POMT2: variants seen among roughly 807,000 people sequenced by gnomAD.
POMT2 encodes protein O-mannosyl-transferase 2.
A neutral mutation model predicts 100.0 loss-of-function variants in POMT2; 75 were observed. The ratio of observed to expected loss-of-function variants is 0.75; its 90% CI spans 0.62 to 0.91. The LOEUF is 0.91. Ranked by LOEUF, POMT2 falls within the 40% of genes least tolerant of loss-of-function variation. The pLI, the probability that POMT2 is intolerant of heterozygous loss-of-function variation, is 0.00. For missense variants in POMT2, 940 were observed against 955.1 expected (o/e 0.98, Z 0.21); for synonymous variants, 378 against 374.1 (o/e 1.01, Z -0.12).
At chr14:77,285,348 C>T in intron 13 of POMT2, 133 bp downstream of exon 13, 3 of 1,219,206 alleles carry the variant, frequency 2.5e-6, no homozygotes, top group South Asian at 1.3e-5. Flanking sequence ...GATATCTACT[C>T]TCCCTCCATC....
intron 16 of POMT2, 127 bp downstream of exon 16, chr14:77,280,265 T>C: frequency 1.3e-6 from 2 of 1,560,158 alleles, no homozygotes; most frequent in East Asian, 4.7e-5. Flanking sequence ...TACTCCCACC[T>C]CTGGCCAACC....
chr14:77,283,775 G>A, intron 15 of POMT2, 22 bp downstream of exon 15: 1 of 1,576,752 alleles, frequency 6.3e-7, no homozygotes, highest in Non-Finnish European at 8.7e-7. Flanking sequence ...GAGACGCCAT[G>A]AAATGAGAAG....
At chr14:77,299,406 G>C (rs750408763) in intron 7 of POMT2, 49 bp downstream of exon 7, 2 of 1,536,390 alleles carry the variant, frequency 1.3e-6, no homozygotes, top group South Asian at 2.2e-5. Flanking sequence ...ACAGGCTTAG[G>C]AGCAAAAGGA....
intron 15 of POMT2, among the ~76,000 whole-genome samples, chr14:77,280,691 T>C (rs1890187827): frequency 8.9e-6 from 1 of 112,498 alleles, no homozygotes; most frequent in South Asian, 3.2e-4. Context: ...TCCAACCTTC[T>C]AGGGAAAAAG....
intron 1 of POMT2, among the ~76,000 whole-genome samples, chr14:77,315,858 A>G (rs1411462791): frequency 2.6e-5 from 4 of 152,188 alleles, no homozygotes; most frequent in African/African-American, 7.2e-5. Flanking sequence ...CTAAAAATAC[A>G]AAAAGGTAGC....
intron 1 of POMT2, chr14:77,319,685 C>CA (rs1354383568): frequency 6.6e-6 from 1 of 152,366 alleles, no homozygotes; most frequent in Non-Finnish European, 1.5e-5. Context: ...CCCATAGCGT[C>CA]ACCCTGTGGG....
chr14:77,275,723 C>A lies in POMT2; in HGVS notation c.*1653G>T, dbSNP rs973920218. The A allele has an allele frequency of 6.6e-6, 1 of 152,260 alleles. No individual in the cohort carries two copies. Among genetic ancestry groups the A allele is most frequent in the African/African-American group, 2.4e-5 (1 of 41,456 alleles). 9.4% of individuals were successfully genotyped at this position (152,260 alleles called of 1,614,324 possible). Reference sequence around the variant, plus strand: ...ATTAAGCAAGTGGCCCAGACTCAGCCGCACAGACAGCGCTTCCTGCTGGGG... The same window carrying A: ...ATTAAGCAAGTGGCCCAGACTCAGCAGCACAGACAGCGCTTCCTGCTGGGG... On this transcript the variant is annotated 3_prime_UTR_variant, in exon 21 of 21. Transcript: ENST00000261534.
At chr14:77,277,561 G>A (rs562541564) in intron 20 of POMT2, 80 bp from the exon 21 acceptor site, 1 of 1,162,586 alleles carries the variant, frequency 8.6e-7, no homozygotes, top group South Asian at 1.2e-5. Context: ...TCCTCCTGCT[G>A]GAGCTCCAGA....
At chr14:77,278,247 C>A in intron 20 of POMT2, 147 bp downstream of exon 20, 2 of 713,140 alleles carry the variant, frequency 2.8e-6, no homozygotes, top group Non-Finnish European at 4.9e-6. Context: ...CTGGAAACCA[C>A]GGCCCCACCT....
intron 8 of POMT2, 129 bp downstream of exon 8, chr14:77,298,560 A>T: frequency 2.1e-6 from 2 of 942,332 alleles, no homozygotes; most frequent in Non-Finnish European, 3.4e-6. Context: ...CACCAGATCT[A>T]TCTGGGTCTT....
chr14:77,277,103 C>T lies in POMT2; in HGVS notation c.*273G>A. On this transcript the variant is annotated 3_prime_UTR_variant, in exon 21 of 21. Coordinates refer to ENST00000261534, the MANE Select transcript of POMT2 (RefSeq NM_013382.7). ...ACACACACGCGCACCCACTCCCACCCTCTGGCACCCATCCTCCCCTGCGCT... is the reference window on the plus strand; with the variant it reads ...ACACACACGCGCACCCACTCCCACCTTCTGGCACCCATCCTCCCCTGCGCT... 1 of 512,000 alleles carries T rather than the reference C, an allele frequency of 2.0e-6. No homozygotes were observed. The highest frequency in any genetic ancestry group is 3.6e-6 in the Non-Finnish European group (1 of 280,476). The allele number at this position is 512,000 out of a possible 1,614,324, so 31.7% of individuals were successfully genotyped here. A position where few individuals can be genotyped will look rare whatever the true frequency, so the allele number is the denominator to read the frequency against.
intron 16 of POMT2, 125 bp from the exon 17 acceptor site, chr14:77,280,205 T>C: frequency 6.3e-7 from 1 of 1,577,582 alleles, no homozygotes; most frequent in Non-Finnish European, 8.6e-7. Flanking sequence ...GCTGGCAAAT[T>C]CTACACGAGC....
intron 9 of POMT2, among the ~76,000 whole-genome samples, chr14:77,292,863 T>C (rs1890686107): frequency 6.6e-6 from 1 of 152,226 alleles, no homozygotes; most frequent in Non-Finnish European, 1.5e-5. Context: ...CTATACCATG[T>C]AGCTTAGGTG....
In POMT2 at chr14:77,279,857, C is replaced by T. The variant is rs1594885046; in HGVS notation, c.1857G>A (p.Met619Ile). 1.9e-6 allele frequency: 3 copies of T among 1,613,848 alleles called. No homozygotes were observed. The African/African-American group carries it at 4.0e-5, about 22-fold the overall frequency. The change falls in exon 18 of 21, where the codon ATG (methionine) becomes ATA (isoleucine). Residue 619 changes from methionine to isoleucine, a missense_variant. Coordinates refer to ENST00000261534, the MANE Select transcript of POMT2 (RefSeq NM_013382.7). ...LLSGSIIAVA[M>I]QRGARLPAEV... Reference sequence around the variant, plus strand: ...CCGCTGGCAGCCGTGCCCCTCTCTGCATGGCTACAGCAATGATGCTCCCTG... The same window carrying T: ...CCGCTGGCAGCCGTGCCCCTCTCTGTATGGCTACAGCAATGATGCTCCCTG...
intron 6 of POMT2, chr14:77,300,421 A>G (rs1390815471): frequency 6.4e-6 from 1 of 155,100 alleles, no homozygotes; most frequent in Non-Finnish European, 1.4e-5. Context: ...ATGAAGGTAA[A>G]GCGTTTCGCA....
chr14:77,295,782 C>T (rs1890807358), intron 9 of POMT2, among the ~76,000 whole-genome samples: 1 of 152,064 alleles, frequency 6.6e-6, no homozygotes, highest in Admixed American at 6.5e-5. Context: ...TTATTCATCA[C>T]CCATCCCATA....
At chr14:77,284,302 G>A (rs1265491115) in intron 14 of POMT2, 4 of 281,672 alleles carry the variant, frequency 1.4e-5, no homozygotes, top group East Asian at 8.5e-5. Context: ...CTGTCTCCTC[G>A]CCAATATGTC....
At chr14:77,296,136 C>T (rs1014780111) in intron 9 of POMT2, 28 bp downstream of exon 9, 8 of 1,514,072 alleles carry the variant, frequency 5.3e-6, no homozygotes, top group East Asian at 2.3e-5. Flanking sequence ...GCATTGCTGC[C>T]GTACAAGTGC....
chr14:77,313,483 C>T lies in POMT2; in HGVS notation c.249-1450G>A, dbSNP rs147723617. On this transcript the variant is annotated intron_variant, in intron 1 of 20. Coordinates refer to ENST00000261534, the MANE Select transcript of POMT2 (RefSeq NM_013382.7). ...CTTATTCTCTCTAGTCCTCTTATCT[C>T]ATCTACAAAATGAAGACAATAATAT... Among the ~76,000 whole-genome samples the T allele has an allele frequency of 6.2e-3, 942 of 152,350 alleles. 11 individuals carry two copies. Among genetic ancestry groups the T allele is most frequent in the African/African-American group, 0.021 (886 of 41,572 alleles).
Sources: allele counts gnomAD v4.1 joint callset (sites outside exome capture counted in the v4.1 genomes callset), GRCh38; gene constraint gnomAD v4.1.1; transcripts MANE v1.5; gene names NCBI Gene and HGNC (gene_info 2026-07-23, HGNC 2026-07-21).